The following TTC17 variants were observed in gnomAD, a reference collection of about 807,000 sequenced individuals.
The protein encoded by TTC17 is tetratricopeptide repeat protein 17.
TTC17 carries 58 observed loss-of-function variants against 143.8 expected under a neutral mutation model. The observed-to-expected ratio is 0.40, with a 90% CI of 0.33 to 0.50. The LOEUF (loss-of-function observed/expected upper bound fraction) is 0.50. Among genes scored for constraint, TTC17 ranks in the 20% least tolerant of loss-of-function variants. The pLI, the probability that TTC17 is intolerant of heterozygous loss-of-function variation, is 0.49. For missense variants in TTC17, 1,273 were observed against 1,392.5 expected (o/e 0.91, Z 1.37); for synonymous variants, 501 against 497.8 (o/e 1.01, Z -0.09).
chr11:43,458,698 G>A (rs2134780873), intron 21 of TTC17, among the ~76,000 whole-genome samples: 1 of 152,194 alleles, frequency 6.6e-6, no homozygotes, highest in East Asian at 1.9e-4. Context: ...GAGTCTACTT[G>A]TGTACAGTAG....
At chr11:43,447,744 A>G (rs1428375933) in intron 18 of TTC17, 1 of 358,724 alleles carries the variant, frequency 2.8e-6, no homozygotes, top group African/African-American at 2.1e-5. Context: ...CCCTTATTTC[A>G]TGTTGATCAA....
intron 6 of TTC17, chr11:43,397,082 TATC>T (rs1857624444): frequency 1.3e-5 from 6 of 472,262 alleles, no homozygotes; most frequent in African/African-American, 1.9e-5. Context: ...TGAATGGAAT[TATC>T]ATAAACTAAG....
chr11:43,372,056 A>G (rs1856587480), intron 1 of TTC17, among the ~76,000 whole-genome samples: 1 of 152,166 alleles, frequency 6.6e-6, no homozygotes, highest in Non-Finnish European at 1.5e-5. Context: ...TTGGTGACAG[A>G]GCAAGACCCT....
chr11:43,420,410 C>G (rs953966610), intron 16 of TTC17, among the ~76,000 whole-genome samples: 1 of 152,162 alleles, frequency 6.6e-6, no homozygotes, highest in Non-Finnish European at 1.5e-5. Context: ...CTACGTAAAA[C>G]ATGGATGTAA....
chr11:43,491,949 TG>T (rs1948480954), intron 22 of TTC17, 70 bp from the exon 23 acceptor site: 1 of 1,582,098 alleles, frequency 6.3e-7, no homozygotes, highest in Non-Finnish European at 8.6e-7. Flanking sequence ...GTATTCTTTA[TG>T]ATCACCAAAA....
intron 7 of TTC17, 24 bp from the exon 8 acceptor site, chr11:43,397,931 TGTGTGTGTGTGTGTGTGTG>T: frequency 6.6e-7 from 1 of 1,516,392 alleles, no homozygotes; most frequent in Non-Finnish European, 9.0e-7. Context: ...TGTGTGTGTG[TGTGTGTGTGTGTGTGTGTG>T]TATGTTTGTT....
At chr11:43,416,617 GAAT>G (rs1296827602) in intron 16 of TTC17, among the ~76,000 whole-genome samples, 2 of 152,054 alleles carry the variant, frequency 1.3e-5, no homozygotes, top group Admixed American at 1.3e-4. Flanking sequence ...AGAATTCAGA[GAAT>G]ATTATTGGGT....
chr11:43,430,715 A>G (rs909255430), intron 16 of TTC17, among the ~76,000 whole-genome samples: 20 of 125,416 alleles, frequency 1.6e-4, no homozygotes, highest in African/African-American at 5.0e-4. Flanking sequence ...ACACGCACAC[A>G]CACACACACA....
Position 43,407,153 on chromosome 11 carries a change from A to G in TTC17, c.1777A>G (p.Ile593Val). 2.5e-6 allele frequency: 4 copies of G among 1,587,804 alleles called. No homozygotes were observed. The highest frequency in any genetic ancestry group is 2.2e-5 in the East Asian group (1 of 44,676). Residue 593 changes from isoleucine (I) to valine (V), a missense_variant, in exon 14 of 24, where the codon ATT becomes GTT. Coordinates refer to ENST00000039989, the MANE Select transcript of TTC17 (RefSeq NM_018259.6). ...DHARKILLSRINNYTIPEEEI... is the reference protein window; with the variant it reads ...DHARKILLSRVNNYTIPEEEI... The stretch of plus-strand genomic sequence containing the variant: ...GATGTTTCAGATTTTGCTTTCCCGT[A>G]TTAATAACTATACTATCCCAGAAGA...
At chr11:43,399,842 A>G (rs1353278261) in intron 8 of TTC17, 46 bp from the exon 9 acceptor site, 1 of 1,549,574 alleles carries the variant, frequency 6.5e-7, no homozygotes, top group Non-Finnish European at 8.7e-7. Flanking sequence ...TTTAAAATTT[A>G]TGATTTTATA....
rs185234592 is a variant in TTC17, at chr11:43,435,790, A to G, written c.2252-7535A>G. Among the ~76,000 whole-genome samples, 373 of 152,346 alleles carry G rather than the reference A, an allele frequency of 2.4e-3. 3 individuals carry two copies. Among genetic ancestry groups the G allele is most frequent in the African/African-American group, 8.7e-3 (360 of 41,568 alleles). On this transcript the variant is annotated intron_variant, in intron 16 of 23. Coordinates refer to ENST00000039989, the MANE Select transcript of TTC17 (RefSeq NM_018259.6). The stretch of plus-strand genomic sequence containing the variant: ...CTCTGCTATAATTTATCTCAGACTT[A>G]TCCAGGTATTAACCTGTCATTTCTC...
In TTC17 at chr11:43,426,706, A is replaced by G. The variant is rs149145478; in HGVS notation, c.2251+11930A>G. Reference sequence around the variant, plus strand: ...ACCTATGAGGTATTACTAGACTCAAATCTTGATCAATTATGGAATAACTAG... The same window carrying G: ...ACCTATGAGGTATTACTAGACTCAAGTCTTGATCAATTATGGAATAACTAG... On this transcript the variant is annotated intron_variant, in intron 16 of 23. Coordinates refer to ENST00000039989, the MANE Select transcript of TTC17 (RefSeq NM_018259.6). Among the ~76,000 whole-genome samples the G allele has an allele frequency of 9.9e-4, 151 of 152,302 alleles. 1 individual carries two copies. The highest frequency in any genetic ancestry group is 3.5e-3 in the African/African-American group (145 of 41,560).
chr11:43,420,742 ATTTGTTGG>A (rs1411042040), intron 16 of TTC17, among the ~76,000 whole-genome samples: 1 of 152,134 alleles, frequency 6.6e-6, no homozygotes, highest in African/African-American at 2.4e-5. Flanking sequence ...ATATATAAAT[ATTTGTTGG>A]TTTTTAATGT....
At chr11:43,471,674 G>A (rs1472984122) in intron 21 of TTC17, among the ~76,000 whole-genome samples, 1 of 152,146 alleles carries the variant, frequency 6.6e-6, no homozygotes, top group African/African-American at 2.4e-5. Context: ...GAGTATTCAC[G>A]GATAAAGTGC....
intron 21 of TTC17, among the ~76,000 whole-genome samples, chr11:43,468,677 C>T (rs1487326589): frequency 1.3e-5 from 2 of 152,102 alleles, no homozygotes; most frequent in East Asian, 3.9e-4. Flanking sequence ...GCTGACACCT[C>T]CAATCCCATC....
Position 43,367,803 on chromosome 11 carries a change from C to G in TTC17, c.159+8690C>G, listed in dbSNP as rs1032446191. On this transcript the variant is annotated intron_variant, in intron 1 of 23. Coordinates refer to ENST00000039989, the MANE Select transcript of TTC17 (RefSeq NM_018259.6). ...TATCTGTGCTCGTGGAGTCTCCTCTCTCTTCCTTTTTTAAGCCCCCTCCAA... is the reference window on the plus strand; with the variant it reads ...TATCTGTGCTCGTGGAGTCTCCTCTGTCTTCCTTTTTTAAGCCCCCTCCAA... 4.6e-5 allele frequency among the ~76,000 whole-genome samples: 7 copies of G among 152,134 alleles called. No individual in the cohort carries two copies. In the South Asian group the frequency reaches 1.5e-3, roughly 32 times the overall value.
At chr11:43,377,490 T>TA (rs1856806152) in intron 1 of TTC17, among the ~76,000 whole-genome samples, 1 of 152,216 alleles carries the variant, frequency 6.6e-6, no homozygotes, top group Non-Finnish European at 1.5e-5. Context: ...TCTTAAAATT[T>TA]AAGAACTTGA....
intron 16 of TTC17, among the ~76,000 whole-genome samples, chr11:43,429,779 T>A (rs1245039231): frequency 6.6e-6 from 1 of 152,220 alleles, no homozygotes. Context: ...AAGTCACTCA[T>A]ATCTGTTAAA....
intron 1 of TTC17, among the ~76,000 whole-genome samples, chr11:43,362,036 A>G (rs917988243): frequency 6.9e-6 from 1 of 145,632 alleles, no homozygotes; most frequent in African/African-American, 2.6e-5. Context: ...GCTGGAGTGC[A>G]ATGGCGCTAT....
Sources: allele counts gnomAD v4.1 joint callset (sites outside exome capture counted in the v4.1 genomes callset), GRCh38; gene constraint gnomAD v4.1.1; transcripts MANE v1.5; gene names NCBI Gene and HGNC (gene_info 2026-07-23, HGNC 2026-07-21).